The following PPP2R2C variants were observed in gnomAD, a reference collection of about 807,000 sequenced individuals.
The protein encoded by PPP2R2C is protein phosphatase 2 regulatory subunit Bgamma.
A neutral mutation model predicts 45.3 loss-of-function variants in PPP2R2C; 10 were observed. That is an observed-to-expected ratio of 0.22 (90% CI 0.14 to 0.37). The LOEUF (loss-of-function observed/expected upper bound fraction) is 0.37, where lower values mean the gene tolerates loss of function less well. Among genes scored for constraint, PPP2R2C ranks in the 10% least tolerant of loss-of-function variants. PPP2R2C has a pLI of 1.00. For missense variants in PPP2R2C, 308 were observed against 619.7 expected, an observed-to-expected ratio of 0.50 and a Z score of 5.34; for synonymous variants, 257 against 245.4, an observed-to-expected ratio of 1.05 and a Z score of -0.44.
intron 1 of PPP2R2C, among the ~76,000 whole-genome samples, chr4:6,438,197 T>C (rs932828168): frequency 5.3e-5 from 8 of 152,234 alleles, no homozygotes; most frequent in East Asian, 1.9e-4. Context: ...ACTATGACCA[T>C]TGCCTTTGCA....
Position 6,375,977 on chromosome 4 carries a change from C to T in PPP2R2C, c.335-46G>A, listed in dbSNP as rs748512798. The T allele has an allele frequency of 6.0e-6, 9 of 1,505,904 alleles. No individual in the cohort carries two copies. In the East Asian group the frequency reaches 6.8e-5, roughly 11 times the overall value. The allele number at this position is 1,505,904 out of a possible 1,614,324, so 93.3% of individuals were successfully genotyped here. Reference sequence around the variant, plus strand: ...AAAGCGAGTCACATAATTAAGCAGCCGGATGGAAGAGAAGATCCACTTTAG... The same window carrying T: ...AAAGCGAGTCACATAATTAAGCAGCTGGATGGAAGAGAAGATCCACTTTAG... On this transcript the variant is annotated intron_variant, in intron 3 of 8. Coordinates refer to ENST00000382599, the MANE Select transcript of PPP2R2C (RefSeq NM_020416.4).
At chr4:6,388,916 T>C (rs1577137423) in intron 1 of PPP2R2C, among the ~76,000 whole-genome samples, 1 of 152,118 alleles carries the variant, frequency 6.6e-6, no homozygotes, top group East Asian at 1.9e-4. Flanking sequence ...AGAGCTGAGA[T>C]GAGAGTGTGC....
intron 1 of PPP2R2C, among the ~76,000 whole-genome samples, chr4:6,541,165 C>G (rs918187980): frequency 3.9e-5 from 6 of 152,158 alleles, no homozygotes; most frequent in African/African-American, 1.4e-4. Flanking sequence ...TTGGTTAGAA[C>G]AGGGTCCCAT....
At chr4:6,438,813 T>C (rs1385209551) in intron 1 of PPP2R2C, among the ~76,000 whole-genome samples, 2 of 152,238 alleles carry the variant, frequency 1.3e-5, no homozygotes, top group African/African-American at 4.8e-5. Flanking sequence ...TGGCCTGATT[T>C]GCTGGTTTTC....
intron 5 of PPP2R2C, among the ~76,000 whole-genome samples, chr4:6,362,993 G>T (rs1713942873): frequency 6.6e-6 from 1 of 152,186 alleles, no homozygotes; most frequent in African/African-American, 2.4e-5. Context: ...TTGTTGGGAG[G>T]ATTCAACCAG....
chr4:6,562,124 AG>A (rs1422868988), intron 1 of PPP2R2C, among the ~76,000 whole-genome samples: 1 of 152,152 alleles, frequency 6.6e-6, no homozygotes, highest in Non-Finnish European at 1.5e-5. Flanking sequence ...AGGGGCCTGG[AG>A]GGAGCTGAGC....
At chr4:6,516,691 G>A (rs1290429847) in intron 2 of PPP2R2C, among the ~76,000 whole-genome samples, 1 of 152,226 alleles carries the variant, frequency 6.6e-6, no homozygotes, top group Non-Finnish European at 1.5e-5. Flanking sequence ...TATTCCATTT[G>A]CTAGCCTGCA....
At chr4:6,554,936 A>AAGGG (rs1222145709) in intron 1 of PPP2R2C, among the ~76,000 whole-genome samples, 9 of 67,230 alleles carry the variant, frequency 1.3e-4, no homozygotes, top group Non-Finnish European at 2.1e-4. Context: ...GGAAGGAAAG[A>AAGGG]AAGAAAGAAA....
chr4:6,478,313 T>C (rs1221547802), intron 2 of PPP2R2C, among the ~76,000 whole-genome samples: 1 of 152,228 alleles, frequency 6.6e-6, no homozygotes, highest in Non-Finnish European at 1.5e-5. Flanking sequence ...GATTCGCACT[T>C]TCCCATCCCT....
In PPP2R2C at chr4:6,330,986, C is replaced by G. The variant is rs865807974; in HGVS notation, c.961-1633G>C. ...TGTCTGGGACCCTCGAGGGTGAGGC[C>G]GAGGTTCTTCCTTCTCTCTGGGTCC... On this transcript the variant is annotated intron_variant, in intron 7 of 8. Transcript: ENST00000382599. This position sits in a 1 kb window ranked among gnomAD's most constrained non-coding sequence, Gnocchi z 7.0. 5.3e-5 allele frequency among the ~76,000 whole-genome samples: 8 copies of G among 152,110 alleles called. No homozygotes were observed. Among genetic ancestry groups the G allele is most frequent in the African/African-American group, 1.9e-4 (8 of 41,394 alleles).
At chr4:6,551,833 G>T (rs1725195428) in intron 1 of PPP2R2C, among the ~76,000 whole-genome samples, 1 of 152,188 alleles carries the variant, frequency 6.6e-6, no homozygotes, top group Non-Finnish European at 1.5e-5. Context: ...CTCGGTGTAG[G>T]CAACATGCAG....
intron 1 of PPP2R2C, among the ~76,000 whole-genome samples, chr4:6,405,496 G>A (rs2109357384): frequency 6.6e-6 from 1 of 152,322 alleles, no homozygotes; most frequent in African/African-American, 2.4e-5. Context: ...AAGGCAGAAG[G>A]AGGATTCCGA....
At chr4:6,521,926 C>T (rs1724039122) in intron 2 of PPP2R2C, among the ~76,000 whole-genome samples, 1 of 152,216 alleles carries the variant, frequency 6.6e-6, no homozygotes, top group Non-Finnish European at 1.5e-5. Context: ...CTGCCTCCAG[C>T]GGTGACTACT....
At chr4:6,366,930 A>G (rs1022716480) in intron 5 of PPP2R2C, among the ~76,000 whole-genome samples, 3 of 152,130 alleles carry the variant, frequency 2.0e-5, no homozygotes, top group Non-Finnish European at 4.4e-5. Flanking sequence ...TGGTCAGACC[A>G]GAGGTTCCGA....
rs1484685507 is a variant in PPP2R2C at position 6,426,436 on chromosome 4, T to C, written c.71-45342A>G. Among the ~76,000 whole-genome samples, 4 of 152,312 alleles carry C rather than the reference T, an allele frequency of 2.6e-5. No homozygotes were observed. In the East Asian group the frequency reaches 7.7e-4, roughly 29 times the overall value. On this transcript the variant is annotated intron_variant, in intron 1 of 8. Coordinates refer to ENST00000382599, the MANE Select transcript of PPP2R2C (RefSeq NM_020416.4). Reference sequence around the variant, plus strand: ...AGGGATGGAGAGAAACTTGCCCTCCTGTGTTCCTGGCTTCAGGAAGAACAG... The same window carrying C: ...AGGGATGGAGAGAAACTTGCCCTCCCGTGTTCCTGGCTTCAGGAAGAACAG...
At chr4:6,403,786 C>T (rs962848399) in intron 1 of PPP2R2C, among the ~76,000 whole-genome samples, 1 of 151,878 alleles carries the variant, frequency 6.6e-6, no homozygotes, top group Non-Finnish European at 1.5e-5. Context: ...TCGCTTGAAC[C>T]TGGGAGGCGG....
intron 1 of PPP2R2C, chr4:6,382,009 G>C (rs1183593937): frequency 7.1e-7 from 1 of 1,414,820 alleles, no homozygotes; most frequent in Non-Finnish European, 9.2e-7. Flanking sequence ...GCCTGGAAGA[G>C]AAACCCCCAC....
chr4:6,338,943 G>A (rs1733220677), intron 6 of PPP2R2C, among the ~76,000 whole-genome samples: 1 of 152,242 alleles, frequency 6.6e-6, no homozygotes, highest in Admixed American at 6.5e-5. Flanking sequence ...ATCTTCAGAG[G>A]TCATGCCTGG....
chr4:6,511,504 ATGGTGGTGGTGGTGG>A (rs1268380529), intron 2 of PPP2R2C, among the ~76,000 whole-genome samples: 1 of 9,618 alleles, frequency 1.0e-4, no homozygotes, highest in African/African-American at 3.3e-4. Flanking sequence ...GATGGCGGTG[ATGGTGGTGGTGGTGG>A]TGGTGATGGT....
Sources: allele counts gnomAD v4.1 joint callset (sites outside exome capture counted in the v4.1 genomes callset), GRCh38; gene constraint gnomAD v4.1.1; non-coding constraint Gnocchi (gnomAD v3.1); transcripts MANE v1.5; gene names NCBI Gene and HGNC (gene_info 2026-07-23, HGNC 2026-07-21).